TAF11: variants seen among roughly 807,000 people sequenced by gnomAD.
TAF11 encodes TATA-box binding protein associated factor 11.
A neutral mutation model predicts 23.0 loss-of-function variants in TAF11; 10 were observed. The ratio of observed to expected loss-of-function variants is 0.43; its 90% CI spans 0.27 to 0.74. The LOEUF (loss-of-function observed/expected upper bound fraction) is 0.74. Ranked by LOEUF, TAF11 falls within the 30% of genes least tolerant of loss-of-function variation. TAF11 has a pLI of 0.19. For synonymous variants in TAF11, 85 were observed against 95.8 expected, an observed-to-expected ratio of 0.89 and a Z score of 0.66; for missense variants, 196 against 261.7, an observed-to-expected ratio of 0.75 and a Z score of 1.73.
At chr6:34,886,396 AAAC>A (rs1766525128) in intron 1 of TAF11, among the ~76,000 whole-genome samples, 1 of 110,810 alleles carries the variant, frequency 9.0e-6, no homozygotes, top group Non-Finnish European at 1.6e-5. Context: ...AAAAAACAAA[AAAC>A]AAAAAACAAA....
chr6:34,883,284 C>T (rs1318088043), intron 1 of TAF11: 2 of 481,398 alleles, frequency 4.2e-6, no homozygotes, highest in East Asian at 7.5e-5. Context: ...AGAAAACCTG[C>T]TAAATAATCT....
At chr6:34,883,550 T>C (rs1766482347) in intron 1 of TAF11, among the ~76,000 whole-genome samples, 1 of 152,194 alleles carries the variant, frequency 6.6e-6, no homozygotes, top group South Asian at 2.1e-4. Context: ...TTATTTCAAT[T>C]TGGGACTTTC....
rs1581638407 is a variant in TAF11 at position 34,877,770 on chromosome 6, C to CA, written c.*819dup. On this transcript the variant is annotated 3_prime_UTR_variant, in exon 5 of 5. Transcript: ENST00000361288. ...CAACCAGCTAGACAGAAAATGAATACACCTAGGGCAAGTTGGAAAACAGTT... is the reference window on the plus strand; with the variant it reads ...CAACCAGCTAGACAGAAAATGAATACAACCTAGGGCAAGTTGGAAAACAGTT... 3 of 152,106 alleles carry CA rather than the reference C, an allele frequency of 2.0e-5. No individual in the cohort carries two copies. In the East Asian group the frequency reaches 5.8e-4, roughly 29 times the overall value. 9.4% of individuals were successfully genotyped at this position (152,106 alleles called of 1,614,324 possible). A position where few individuals can be genotyped will look rare whatever the true frequency, so the allele number is the denominator to read the frequency against.
intron 1 of TAF11, among the ~76,000 whole-genome samples, chr6:34,887,075 G>A (rs1212856744): frequency 1.3e-5 from 2 of 151,920 alleles, no homozygotes; most frequent in African/African-American, 4.8e-5. Context: ...AGGCCGAGGC[G>A]GGCGGATCAC....
chr6:34,878,806 ACTTTT>A (rs1766363431), intron 4 of TAF11, 86 bp from the exon 5 acceptor site: 1 of 1,225,132 alleles, frequency 8.2e-7, no homozygotes, highest in South Asian at 1.3e-5. Context: ...ATTCTTGTTA[ACTTTT>A]CTTAAGCTTG....
chr6:34,885,158 T>G (rs1006206926), intron 1 of TAF11, among the ~76,000 whole-genome samples: 3 of 152,032 alleles, frequency 2.0e-5, no homozygotes, highest in African/African-American at 7.3e-5. Context: ...CATAGCTCAC[T>G]GAAGCCTCAA....
At chr6:34,886,118 ACT>A (rs1431049598) in intron 1 of TAF11, among the ~76,000 whole-genome samples, 2 of 152,144 alleles carry the variant, frequency 1.3e-5, no homozygotes, top group African/African-American at 2.4e-5. Context: ...GCAGAGCGAG[ACT>A]CTGTCTCAAA....
At position 34,880,127 on chromosome 6, in the gene TAF11, C is replaced by G. The variant is rs1447310726; in HGVS notation, c.409-64G>C. The G allele has an allele frequency of 3.5e-5, 55 of 1,555,822 alleles. No individual in the cohort carries two copies. Among genetic ancestry groups the G allele is most frequent in the Non-Finnish European group, 4.6e-5 (52 of 1,131,102 alleles). The stretch of plus-strand genomic sequence containing the variant: ...AAAGACTGGCTTTGGAACACAGTAC[C>G]AAGTAATTCACAGAAAAAGGTAAGA... On this transcript the variant is annotated intron_variant, in intron 3 of 4. Transcript: ENST00000361288. The surrounding 1 kb of genome is among the most constrained non-coding windows in gnomAD (Gnocchi z 4.8).
chr6:34,886,345 C>T (rs1056475028), intron 1 of TAF11, among the ~76,000 whole-genome samples: 1 of 152,080 alleles, frequency 6.6e-6, no homozygotes, highest in Admixed American at 6.5e-5. Context: ...CGCCACTGCA[C>T]ACTCCAGCCT....
At position 34,883,084 on chromosome 6, in the gene TAF11, G is replaced by A; in HGVS notation, c.172-4C>T. 2.5e-6 allele frequency: 4 copies of A among 1,605,416 alleles called. No homozygotes were observed. Among genetic ancestry groups the A allele is most frequent in the Non-Finnish European group, 3.4e-6 (4 of 1,177,840 alleles). On this transcript the variant is annotated splice_polypyrimidine_tract_variant and splice_region_variant and intron_variant, in intron 1 of 4. Transcript: ENST00000361288. ...CTGAGACATCCTGACTCTCGAGCTG[G>A]GAAGATGAAAGAAACTCTATTATAT...
chr6:34,882,502 G>T (rs1766456993), intron 2 of TAF11, among the ~76,000 whole-genome samples: 1 of 151,408 alleles, frequency 6.6e-6, no homozygotes, highest in African/African-American at 2.4e-5. Context: ...AAATTAGCTG[G>T]GCATGGCGGT....
At position 34,887,874 on chromosome 6, in the gene TAF11, C is replaced by T. The variant is rs1419318877; in HGVS notation, c.84G>A (p.Pro28=). The T allele has an allele frequency of 1.9e-6, 3 of 1,614,074 alleles. No individual in the cohort carries two copies. Among genetic ancestry groups the T allele is most frequent in the East Asian group, 4.5e-5 (2 of 44,892 alleles). ...GGATTCCATCGGTGTCGGTAGCCCC[C>T]GGGTCCCCGGGCACAGCGGCCGTCT... ...SDETAAVPGD[P]GATDTDGIPE... is the part of the protein sequence containing the mutation. The change falls in exon 1 of 5, where the codon CCG becomes CCA. Residue 28 remains proline (P), a synonymous_variant. Coordinates refer to ENST00000361288, the MANE Select transcript of TAF11 (RefSeq NM_005643.4).
rs545204002 is a variant in TAF11 at position 34,878,215 on chromosome 6, C to T, written c.*375G>A. 74 of 179,708 alleles carry T rather than the reference C, an allele frequency of 4.1e-4. No homozygotes were observed. Among genetic ancestry groups the T allele is most frequent in the African/African-American group, 1.7e-3 (74 of 42,314 alleles). 11.1% of individuals were successfully genotyped at this position (179,708 alleles called of 1,614,324 possible). A position where few individuals can be genotyped will look rare whatever the true frequency, so the allele number is the denominator to read the frequency against. ...TGCAGTCATGCCGCTGCACTCCAGCCTAGGTGATAGAGCAAGACCCTATCT... is the reference window on the plus strand; with the variant it reads ...TGCAGTCATGCCGCTGCACTCCAGCTTAGGTGATAGAGCAAGACCCTATCT... On this transcript the variant is annotated 3_prime_UTR_variant, in exon 5 of 5. Coordinates refer to ENST00000361288, the MANE Select transcript of TAF11 (RefSeq NM_005643.4).
In TAF11 at chr6:34,877,534, G is replaced by C. The variant is rs1192561000; in HGVS notation, c.*1056C>G. 2.0e-5 allele frequency: 3 copies of C among 152,280 alleles called. No individual in the cohort carries two copies. The highest frequency in any genetic ancestry group is 1.5e-5 in the Non-Finnish European group (1 of 67,988). 9.4% of individuals were successfully genotyped at this position (152,280 alleles called of 1,614,324 possible). A position where few individuals can be genotyped will look rare whatever the true frequency, so the allele number is the denominator to read the frequency against. On this transcript the variant is annotated 3_prime_UTR_variant, in exon 5 of 5. Coordinates refer to ENST00000361288, the MANE Select transcript of TAF11 (RefSeq NM_005643.4). ...CCATAATGATTGTTGTATATCCGTT[G>C]ATAAGAATCTGAAATATATGGGCTT...
chr6:34,879,960 T>G lies in TAF11; in HGVS notation c.505+7A>C. On this transcript the variant is annotated splice_region_variant and intron_variant, in intron 4 of 4. Transcript: ENST00000361288. ...ACAATCCAGTATTTGTAACCAACAC[T>G]ACTCACCTTCTTCTACCACCTCCCC... 6.2e-7 allele frequency: 1 copy of G among 1,612,632 alleles called. No homozygotes were observed. Among genetic ancestry groups the G allele is most frequent in the Non-Finnish European group, 8.5e-7 (1 of 1,178,808 alleles).
chr6:34,887,078 C>T (rs13219730), intron 1 of TAF11, among the ~76,000 whole-genome samples: 1 of 151,840 alleles, frequency 6.6e-6, no homozygotes, highest in Non-Finnish European at 1.5e-5. Flanking sequence ...CCGAGGCGGG[C>T]GGATCACGAG....
rs185767495 is a variant in TAF11, at chr6:34,879,781, C to A, written c.505+186G>T. 5.4e-5 allele frequency: 53 copies of A among 985,406 alleles called. No individual in the cohort carries two copies. In the East Asian group the frequency reaches 4.8e-3, roughly 89 times the overall value. 61.0% of individuals were successfully genotyped at this position (985,406 alleles called of 1,614,324 possible). ...AGGGGATTTCCCAGATGGTTCCTTA[C>A]CATCTGTTATTGAAACTTGCAAGGA... is the stretch of plus-strand genomic sequence containing the variant. On this transcript the variant is annotated intron_variant, in intron 4 of 4. Transcript: ENST00000361288.
rs910268886 is a variant in TAF11 at position 34,877,899 on chromosome 6, A to C, written c.*691T>G. 6.6e-6 allele frequency: 1 copy of C among 152,188 alleles called. No homozygotes were observed. The highest frequency in any genetic ancestry group is 1.5e-5 in the Non-Finnish European group (1 of 68,032). The allele number at this position is 152,188 out of a possible 1,614,324, so 9.4% of individuals were successfully genotyped here. On this transcript the variant is annotated 3_prime_UTR_variant, in exon 5 of 5. Coordinates refer to ENST00000361288, the MANE Select transcript of TAF11 (RefSeq NM_005643.4). ...CGCATCCTTCATGGTAGAGTATCAC[A>C]AGTAAAAGTTTCTGGTTGTTTCATC...
At chr6:34,886,745 C>T (rs1182097318) in intron 1 of TAF11, among the ~76,000 whole-genome samples, 2 of 152,026 alleles carry the variant, frequency 1.3e-5, no homozygotes, top group African/African-American at 4.8e-5. Context: ...GGATTACAGG[C>T]GTGAGCCACT....
Sources: gnomAD v4.1 joint callset for allele counts (sites outside exome capture counted in the v4.1 genomes callset) on GRCh38, gnomAD v4.1.1 for gene constraint, Gnocchi (gnomAD v3.1) non-coding constraint, MANE v1.5 for transcripts, NCBI Gene and HGNC (gene_info 2026-07-23, HGNC 2026-07-21) for gene names.